The following PGR variants were observed in gnomAD, a reference collection of about 807,000 sequenced individuals.
The protein encoded by PGR is nuclear receptor subfamily 3 group C member 3.
PGR carries 25 observed loss-of-function variants against 76.1 expected under a neutral mutation model. The observed-to-expected ratio is 0.33, with a 90% confidence interval of 0.24 to 0.46. The LOEUF (loss-of-function observed/expected upper bound fraction) is 0.46. PGR is among the 20% of genes least tolerant of loss of function. The probability of loss-of-function intolerance (pLI) is 1.00; values close to 1 mark genes in which losing one functional copy is unlikely to be tolerated. For synonymous variants in PGR, 579 were observed against 535.0 expected, an observed-to-expected ratio of 1.08 and a Z score of -1.14; for missense variants, 1,172 against 1,225.3, an observed-to-expected ratio of 0.96 and a Z score of 0.65.
chr11:101,073,185 C>A (rs1861006488), intron 3 of PGR, among the ~76,000 whole-genome samples: 1 of 152,182 alleles, frequency 6.6e-6, no homozygotes, highest in Admixed American at 6.5e-5. Context: ...CAAAACTGCA[C>A]AACTACATGG....
intron 4 of PGR, among the ~76,000 whole-genome samples, chr11:101,062,132 G>A (rs1860524598): frequency 6.6e-6 from 1 of 152,114 alleles, no homozygotes; most frequent in Non-Finnish European, 1.5e-5. Context: ...ATAAAAAATG[G>A]TCCATTTATC....
In PGR at chr11:101,039,179, A is replaced by G. The variant is rs752518879; in HGVS notation, c.2739T>C (p.Ile913=). 21 of 1,611,786 alleles carry G rather than the reference A, an allele frequency of 1.3e-5. No homozygotes were observed. The highest frequency in any genetic ancestry group is 1.8e-5 in the Non-Finnish European group (21 of 1,178,336). ...VEFPEMMSEV[I]AAQLPKILAG... ...CCAATATCTTGGGTAATTGTGCAGCAATAACTTCAGACATCATTTCTGGAA... is the reference window on the plus strand; with the variant it reads ...CCAATATCTTGGGTAATTGTGCAGCGATAACTTCAGACATCATTTCTGGAA... Residue 913 remains isoleucine (I), a synonymous_variant, in exon 8 of 8, where the codon ATT becomes ATC. Transcript: ENST00000325455.
intron 4 of PGR, among the ~76,000 whole-genome samples, chr11:101,055,272 G>T (rs1384591665): frequency 1.3e-5 from 2 of 151,798 alleles, no homozygotes; most frequent in South Asian, 2.1e-4. Context: ...AATTAGCTAG[G>T]TGTGGTGGTG....
chr11:101,078,330 A>T (rs1485498853), intron 3 of PGR, among the ~76,000 whole-genome samples: 2 of 152,230 alleles, frequency 1.3e-5, no homozygotes, highest in African/African-American at 4.8e-5. Flanking sequence ...GATTTAAAAA[A>T]TTTCAAAGAA....
Position 101,101,466 on chromosome 11 carries a change from T to C in PGR, c.1790-9590A>G, listed in dbSNP as rs375033290. 5.9e-5 allele frequency among the ~76,000 whole-genome samples: 9 copies of C among 152,312 alleles called. 1 individual carries two copies. The South Asian group carries it at 1.7e-3, about 28-fold the overall frequency. The stretch of plus-strand genomic sequence containing the variant: ...TTGCCTCTTGGAAGAGAGAGAGAAC[T>C]ATTAAAAATATTTATAGCTGATAAA... On this transcript the variant is annotated intron_variant, in intron 2 of 7. Transcript: ENST00000325455.
intron 4 of PGR, among the ~76,000 whole-genome samples, chr11:101,052,816 A>C (rs1372532446): frequency 6.6e-6 from 1 of 152,180 alleles, no homozygotes; most frequent in Non-Finnish European, 1.5e-5. Context: ...TTGCCGGTAG[A>C]TGGGAAGAAG....
At chr11:101,081,230 C>T (rs1030047520) in intron 3 of PGR, among the ~76,000 whole-genome samples, 19 of 152,108 alleles carry the variant, frequency 1.2e-4, no homozygotes, top group African/African-American at 4.3e-4. Flanking sequence ...GAGTTCAAGA[C>T]CAGCCTGGCC....
chr11:101,126,134 G>A lies in PGR; in HGVS notation c.1662C>T (p.Ser554=). ...GTAATGACTCGAAGCTGTATTGTGG[G>A]CTCTGGCTGGCTTCTGAATCCGGCC... ...YLRPDSEASQ[S]PQYSFESLPQ... Residue 554 remains serine (S), a synonymous_variant, in exon 2 of 8, where the codon AGC becomes AGT. Coordinates refer to ENST00000325455, the MANE Select transcript of PGR (RefSeq NM_000926.4). 6.2e-7 allele frequency: 1 copy of A among 1,614,050 alleles called. No individual in the cohort carries two copies. The highest frequency in any genetic ancestry group is 8.5e-7 in the Non-Finnish European group (1 of 1,179,954).
At chr11:101,059,857 A>AAAAAAG (rs1565337564) in intron 4 of PGR, among the ~76,000 whole-genome samples, 3 of 138,722 alleles carry the variant, frequency 2.2e-5, no homozygotes, top group Admixed American at 7.5e-5. Flanking sequence ...AAAAAAAAAA[A>AAAAAAG]AAAAGAAAAA....
chr11:101,079,203 T>C (rs1861223931), intron 3 of PGR, among the ~76,000 whole-genome samples: 2 of 152,164 alleles, frequency 1.3e-5, no homozygotes, highest in African/African-American at 4.8e-5. Context: ...GGGGAACTGC[T>C]TTAAGACTTT....
intron 3 of PGR, among the ~76,000 whole-genome samples, chr11:101,073,134 A>C (rs888064229): frequency 2.0e-5 from 3 of 152,250 alleles, no homozygotes; most frequent in Admixed American, 6.5e-5. Context: ...TTCTCAGACC[A>C]CAGTGCAATC....
At chr11:101,065,214 A>G (rs1860671331) in intron 3 of PGR, among the ~76,000 whole-genome samples, 1 of 152,074 alleles carries the variant, frequency 6.6e-6, no homozygotes, top group Non-Finnish European at 1.5e-5. Flanking sequence ...GTAGATCTGA[A>G]GCTTTATAAA....
chr11:101,043,130 T>C (rs1363825040), intron 6 of PGR, among the ~76,000 whole-genome samples: 2 of 152,108 alleles, frequency 1.3e-5, no homozygotes, highest in African/African-American at 4.8e-5. Flanking sequence ...TTACCCACAA[T>C]AGAACTTCTT....
intron 2 of PGR, among the ~76,000 whole-genome samples, chr11:101,102,413 G>A (rs938289035): frequency 1.3e-5 from 2 of 152,160 alleles, no homozygotes; most frequent in Non-Finnish European, 2.9e-5. Context: ...GATATTCGCT[G>A]TACTATTCCT....
At chr11:101,124,351 C>T (rs1862774424) in intron 2 of PGR, among the ~76,000 whole-genome samples, 1 of 152,160 alleles carries the variant, frequency 6.6e-6, no homozygotes, top group Non-Finnish European at 1.5e-5. Flanking sequence ...TATGAAATAA[C>T]TTCTGTGAAT....
At chr11:101,069,066 TC>T (rs1483144623) in intron 3 of PGR, among the ~76,000 whole-genome samples, 1 of 152,012 alleles carries the variant, frequency 6.6e-6, no homozygotes, top group African/African-American at 2.4e-5. Context: ...GAAACTATCA[TC>T]GGAGTGAACA....
rs1374194320 is a variant in PGR, at chr11:101,127,625, C to T, written c.1446G>A (p.Ala482=). The change falls in exon 1 of 8, where the codon GCG becomes GCA. Residue 482 remains alanine, a synonymous_variant. Coordinates refer to ENST00000325455, the MANE Select transcript of PGR (RefSeq NM_000926.4). ...GGAGCAGGCAGCCGCTCGCGCCCGG[C>T]GCCTTGCAGGGCGGCGGCGCGAACG... ...QGPFAPPPCK[A]PGASGCLLPR... 1.5e-6 allele frequency: 2 copies of T among 1,325,738 alleles called. No homozygotes were observed. Among genetic ancestry groups the T allele is most frequent in the Non-Finnish European group, 1.9e-6 (2 of 1,047,138 alleles). 82.1% of individuals were successfully genotyped at this position (1,325,738 alleles called of 1,614,324 possible).
chr11:101,076,527 T>C (rs1265228717), intron 3 of PGR, among the ~76,000 whole-genome samples: 4 of 152,034 alleles, frequency 2.6e-5, no homozygotes, highest in African/African-American at 9.7e-5. Flanking sequence ...GTATGGCTTA[T>C]TTAAATATCA....
In PGR at chr11:101,128,175, G is replaced by T. The variant is rs780664530; in HGVS notation, c.896C>A (p.Thr299Lys). 4.5e-5 allele frequency: 72 copies of T among 1,597,792 alleles called. No homozygotes were observed. Among genetic ancestry groups the T allele is most frequent in the Non-Finnish European group, 5.2e-5 (61 of 1,179,566 alleles). ...MAPGRSPLAT[T>K]VMDFIHVPIL... The stretch of plus-strand genomic sequence containing the variant: ...AGGCACGTGGATGAAATCCATCACC[G>T]TGGTGGCCAGCGGGGAGCGCCCGGG... The change falls in exon 1 of 8, where the codon ACG becomes AAG. Residue 299 changes from threonine to lysine, a missense_variant. Coordinates refer to ENST00000325455, the MANE Select transcript of PGR (RefSeq NM_000926.4).
Sources: gnomAD v4.1 joint callset for allele counts (sites outside exome capture counted in the v4.1 genomes callset) on GRCh38, gnomAD v4.1.1 for gene constraint, MANE v1.5 for transcripts, NCBI Gene and HGNC (gene_info 2026-07-23, HGNC 2026-07-21) for gene names.